The following EYA1 variants were observed in gnomAD, a reference collection of about 807,000 sequenced individuals.
EYA1 encodes EYA transcriptional coactivator and phosphatase 1.
A neutral mutation model predicts 82.0 loss-of-function variants in EYA1; 16 were observed. That is an observed-to-expected ratio of 0.20 (90% confidence interval 0.13 to 0.30). EYA1 has a LOEUF of 0.30. Among genes scored for constraint, EYA1 ranks in the 10% least tolerant of loss-of-function variants. EYA1 has a pLI of 1.00. For synonymous variants in EYA1, 261 were observed against 264.4 expected, an observed-to-expected ratio of 0.99 and a Z score of 0.12; for missense variants, 633 against 730.7, an observed-to-expected ratio of 0.87 and a Z score of 1.54.
intron 9 of EYA1, among the ~76,000 whole-genome samples, chr8:71,284,130 A>C (rs567072000): frequency 6.6e-6 from 1 of 152,300 alleles, no homozygotes; most frequent in African/African-American, 2.4e-5. Flanking sequence ...CAGGCTGTGC[A>C]GCCTCTGATG....
chr8:71,341,614 A>C (rs2129053683), intron 3 of EYA1, among the ~76,000 whole-genome samples: 1 of 152,328 alleles, frequency 6.6e-6, no homozygotes, highest in Non-Finnish European at 1.5e-5. Flanking sequence ...CCATGAACTC[A>C]ATGTGTTTTC....
rs748256034 is a variant in EYA1, at chr8:71,304,636, G to A, written c.557-4916C>T. ...CTGATTTTTAGTACCAATTCAGGAGGTGTTATAGCAATTGCTTCAAAAATA... is the reference window on the plus strand; with the variant it reads ...CTGATTTTTAGTACCAATTCAGGAGATGTTATAGCAATTGCTTCAAAAATA... On this transcript the variant is annotated intron_variant, in intron 7 of 17. Coordinates refer to ENST00000340726, the MANE Select transcript of EYA1 (RefSeq NM_000503.6). Among the ~76,000 whole-genome samples, 6 of 142,404 alleles carry A rather than the reference G, an allele frequency of 4.2e-5. 1 individual carries two copies. Among genetic ancestry groups the A allele is most frequent in the African/African-American group, 7.4e-5 (3 of 40,316 alleles). 93.4% of individuals were successfully genotyped at this position (142,404 alleles called of 152,430 possible). A position where few individuals can be genotyped will look rare whatever the true frequency, so the allele number is the denominator to read the frequency against.
intron 2 of EYA1, among the ~76,000 whole-genome samples, chr8:71,434,967 T>TAC (rs146598728): frequency 1.8e-4 from 27 of 151,320 alleles, no homozygotes; most frequent in African/African-American, 2.7e-4. Context: ...CATACATATG[T>TAC]ACACACACAC....
chr8:71,214,223 C>T (rs1051213619), intron 16 of EYA1, among the ~76,000 whole-genome samples: 1 of 152,140 alleles, frequency 6.6e-6, no homozygotes, highest in Non-Finnish European at 1.5e-5. Context: ...ACATTCCTCT[C>T]CTTAGGGTGA....
chr8:71,260,954 C>A (rs1008844275), intron 11 of EYA1, among the ~76,000 whole-genome samples: 1 of 152,044 alleles, frequency 6.6e-6, no homozygotes, highest in Non-Finnish European at 1.5e-5. Flanking sequence ...ACAAACAGGA[C>A]CTGAATGTCA....
intron 1 of EYA1, among the ~76,000 whole-genome samples, chr8:71,541,720 C>T (rs945000662): frequency 5.3e-5 from 8 of 152,200 alleles, no homozygotes; most frequent in Middle Eastern, 3.4e-3. Context: ...CTGTTTGTAA[C>T]GAGGAAATTC....
chr8:71,349,270 C>T (rs1476179922), intron 3 of EYA1, among the ~76,000 whole-genome samples: 1 of 152,240 alleles, frequency 6.6e-6, no homozygotes, highest in African/African-American at 2.4e-5. Context: ...TCATCAAAGC[C>T]TCTGCCACTG....
intron 2 of EYA1, among the ~76,000 whole-genome samples, chr8:71,521,061 T>G (rs1183069544): frequency 6.6e-6 from 1 of 151,790 alleles, no homozygotes; most frequent in Non-Finnish European, 1.5e-5. Context: ...TTGGGTCACC[T>G]CTTTTTAAAA....
intron 7 of EYA1, among the ~76,000 whole-genome samples, chr8:71,308,725 A>T (rs572982679): frequency 1.1e-4 from 16 of 151,786 alleles, no homozygotes; most frequent in Admixed American, 1.3e-4. Flanking sequence ...TTAAGAAAAA[A>T]AAAAAAGGAG....
intron 2 of EYA1, among the ~76,000 whole-genome samples, chr8:71,534,095 C>T (rs1814505502): frequency 6.6e-6 from 1 of 152,098 alleles, no homozygotes; most frequent in Non-Finnish European, 1.5e-5. Flanking sequence ...TCAAAAGAAA[C>T]ATTATTGGCA....
chr8:71,407,912 C>CGTAATT lies in EYA1; in HGVS notation c.34-51407_34-51402dup, dbSNP rs1388906882. 3.4e-5 allele frequency among the ~76,000 whole-genome samples: 5 copies of CGTAATT among 148,280 alleles called. No individual in the cohort carries two copies. The East Asian group carries it at 9.7e-4, about 29-fold the overall frequency. On this transcript the variant is annotated intron_variant, in intron 2 of 18. Coordinates refer to the EYA1 transcript ENST00000643681. Reference sequence around the variant, plus strand: ...CCTTGAGAAGAGCAACTCCAAGACACGTAATTGTCAGATTCACCAAAGTTG... The same window carrying CGTAATT: ...CCTTGAGAAGAGCAACTCCAAGACACGTAATTGTAATTGTCAGATTCACCAAAGTTG...
chr8:71,379,922 T>C (rs1828598000), intron 2 of EYA1, among the ~76,000 whole-genome samples: 1 of 152,222 alleles, frequency 6.6e-6, no homozygotes. Context: ...CAGATAGGGA[T>C]GTATCAGTCC....
chr8:71,437,083 TTATA>T (rs59140624), intron 2 of EYA1, among the ~76,000 whole-genome samples: 62,676 of 144,752 alleles, frequency 0.43, 13,834 homozygotes, highest in African/African-American at 0.47. Flanking sequence ...TCCATCTTGT[TTATA>T]TATATATATA....
intron 2 of EYA1, among the ~76,000 whole-genome samples, chr8:71,427,242 T>C (rs578113702): frequency 3.7e-4 from 56 of 152,346 alleles, no homozygotes; most frequent in African/African-American, 1.3e-3. Flanking sequence ...GATGGGAGTT[T>C]ACACGAGGCA....
intron 2 of EYA1, among the ~76,000 whole-genome samples, chr8:71,422,953 A>G (rs1831226267): frequency 6.6e-6 from 1 of 152,202 alleles, no homozygotes; most frequent in African/African-American, 2.4e-5. Context: ...GCTACAGGGC[A>G]AAAATGATTA....
intron 12 of EYA1, among the ~76,000 whole-genome samples, chr8:71,224,814 C>A (rs1436687285): frequency 6.6e-6 from 1 of 152,186 alleles, no homozygotes; most frequent in African/African-American, 2.4e-5. Context: ...AGGGAATGCT[C>A]TCCATGGTGG....
At chr8:71,538,104 A>G (rs1447220082) in intron 1 of EYA1, among the ~76,000 whole-genome samples, 2 of 152,216 alleles carry the variant, frequency 1.3e-5, no homozygotes, top group South Asian at 2.1e-4. Flanking sequence ...AGATTTCTAC[A>G]TGTCAATCCA....
intron 12 of EYA1, among the ~76,000 whole-genome samples, chr8:71,242,986 C>G (rs1046545906): frequency 1.3e-5 from 2 of 151,984 alleles, no homozygotes; most frequent in African/African-American, 4.8e-5. Flanking sequence ...CCATGTTGGT[C>G]GGGATGGTCT....
At chr8:71,259,219 G>A (rs948682576) in intron 11 of EYA1, among the ~76,000 whole-genome samples, 2 of 152,090 alleles carry the variant, frequency 1.3e-5, no homozygotes, top group African/African-American at 4.8e-5. Context: ...GTACCACTAA[G>A]GACTTTCTAC....
Sources: allele counts gnomAD v4.1 joint callset (sites outside exome capture counted in the v4.1 genomes callset), GRCh38; gene constraint gnomAD v4.1.1; transcripts MANE v1.5; gene names NCBI Gene and HGNC (gene_info 2026-07-23, HGNC 2026-07-21).